SEC24B: variants seen among roughly 807,000 people sequenced by gnomAD.
The protein encoded by SEC24B is protein transport protein Sec24B.
In SEC24B, 45 loss-of-function variants were observed where a neutral mutation model predicts 142.8. The ratio of observed to expected loss-of-function variants is 0.32; its 90% confidence interval spans 0.25 to 0.40. The LOEUF (loss-of-function observed/expected upper bound fraction) is 0.40. Among genes scored for constraint, SEC24B ranks in the 10% least tolerant of loss-of-function variants. The pLI is 1.00. For missense variants in SEC24B, 1,409 were observed against 1,526.8 expected (o/e 0.92, Z 1.29); for synonymous variants, 574 against 568.2 (o/e 1.01, Z -0.15).
intron 2 of SEC24B, among the ~76,000 whole-genome samples, chr4:109,467,064 C>A (rs1233130038): frequency 6.6e-6 from 1 of 151,914 alleles, no homozygotes; most frequent in Non-Finnish European, 1.5e-5. Flanking sequence ...CGGTGGCTCA[C>A]GCCTGTAATC....
chr4:109,527,656 C>A (rs1416704894), intron 18 of SEC24B, among the ~76,000 whole-genome samples: 1 of 151,964 alleles, frequency 6.6e-6, no homozygotes, highest in Non-Finnish European at 1.5e-5. Context: ...CCTGTAATCG[C>A]AGCTTCTCAG....
chr4:109,441,399 C>A (rs1198493557), intron 1 of SEC24B, among the ~76,000 whole-genome samples: 1 of 152,114 alleles, frequency 6.6e-6, no homozygotes, highest in Non-Finnish European at 1.5e-5. Context: ...AGGTATCTGG[C>A]ATGTAGTAGA....
At chr4:109,497,280 T>G (rs957696603) in intron 6 of SEC24B, among the ~76,000 whole-genome samples, 1 of 152,242 alleles carries the variant, frequency 6.6e-6, no homozygotes, top group African/African-American at 2.4e-5. Context: ...CATTTCGTAT[T>G]TTATTTGGGA....
intron 1 of SEC24B, among the ~76,000 whole-genome samples, chr4:109,462,068 C>T (rs1578802754): frequency 6.6e-6 from 1 of 152,224 alleles, no homozygotes; most frequent in African/African-American, 2.4e-5. Flanking sequence ...CCATGGTGCA[C>T]GCCTGTGGTC....
intron 4 of SEC24B, chr4:109,488,837 A>G (rs1216170121): frequency 1.2e-5 from 2 of 165,886 alleles, no homozygotes; most frequent in Non-Finnish European, 2.9e-5. Context: ...TTTGATTTTC[A>G]TTTTCCTAAT....
rs889359674 is a variant in SEC24B at position 109,434,070 on chromosome 4, G to T, written c.133+68G>T. The stretch of plus-strand genomic sequence containing the variant: ...CTGGGCGGCCTGCACGGCCACATCG[G>T]GGCGGGGCGGGCCGGGCCGGGAAGG... On this transcript the variant is annotated intron_variant, in intron 1 of 23. Coordinates refer to ENST00000265175, the MANE Select transcript of SEC24B (RefSeq NM_006323.5). 3.1e-6 allele frequency: 3 copies of T among 980,874 alleles called. No individual in the cohort carries two copies. In the African/African-American group the frequency reaches 5.3e-5, roughly 17 times the overall value. The allele number at this position is 980,874 out of a possible 1,614,324, so 60.8% of individuals were successfully genotyped here.
rs562318146 is a variant in SEC24B, at chr4:109,472,337, C to T, written c.878-667C>T. 5.0e-4 allele frequency among the ~76,000 whole-genome samples: 76 copies of T among 152,224 alleles called. No individual in the cohort carries two copies. The South Asian group carries it at 0.014, about 28-fold the overall frequency. Reference sequence around the variant, plus strand: ...AATAACTTACCCAGTATTTCTCAACCGGGAACGATTTTGCCTTCTAGGAGA... The same window carrying T: ...AATAACTTACCCAGTATTTCTCAACTGGGAACGATTTTGCCTTCTAGGAGA... On this transcript the variant is annotated intron_variant, in intron 2 of 23. Transcript: ENST00000265175.
At chr4:109,482,053 C>A (rs1314326374) in intron 4 of SEC24B, among the ~76,000 whole-genome samples, 1 of 152,158 alleles carries the variant, frequency 6.6e-6, no homozygotes, top group Non-Finnish European at 1.5e-5. Context: ...GCATTTTCTC[C>A]CATGTCACAT....
At chr4:109,528,811 A>G (rs541786557) in intron 18 of SEC24B, among the ~76,000 whole-genome samples, 1 of 152,342 alleles carries the variant, frequency 6.6e-6, no homozygotes, top group African/African-American at 2.4e-5. Flanking sequence ...TATTAATACT[A>G]ATTTGGGAAA....
intron 1 of SEC24B, among the ~76,000 whole-genome samples, chr4:109,454,463 C>G (rs774857432): frequency 4.6e-5 from 7 of 151,730 alleles, no homozygotes; most frequent in Admixed American, 6.6e-5. Context: ...CACTTGAACC[C>G]TCAGGTGGAG....
At chr4:109,522,056 T>C (rs1197148536) in intron 14 of SEC24B, among the ~76,000 whole-genome samples, 1 of 142,976 alleles carries the variant, frequency 7.0e-6, no homozygotes, top group Non-Finnish European at 1.5e-5. Context: ...GTTTTGTTTT[T>C]GTTTTTTTTT....
intron 14 of SEC24B, 35 bp downstream of exon 14, chr4:109,521,661 T>C: frequency 7.1e-7 from 1 of 1,407,480 alleles, no homozygotes; most frequent in Non-Finnish European, 9.9e-7. Flanking sequence ...ATATTCAAGA[T>C]TGTGTAATTA....
chr4:109,460,353 G>A (rs1731127145), intron 1 of SEC24B, among the ~76,000 whole-genome samples: 1 of 152,098 alleles, frequency 6.6e-6, no homozygotes. Context: ...TTGTGTCAGT[G>A]GAGCTAAAAC....
At chr4:109,438,171 C>T (rs1728590155) in intron 1 of SEC24B, among the ~76,000 whole-genome samples, 1 of 152,126 alleles carries the variant, frequency 6.6e-6, no homozygotes. Flanking sequence ...TTTTTTCTGT[C>T]TCTTGTTCAC....
chr4:109,513,651 T>C, intron 9 of SEC24B, 96 bp from the exon 10 acceptor site: 1 of 720,404 alleles, frequency 1.4e-6, no homozygotes, highest in East Asian at 2.6e-5. Flanking sequence ...CTAAACCTCG[T>C]GTAAATATTG....
chr4:109,437,254 G>C (rs1234237801), intron 1 of SEC24B, among the ~76,000 whole-genome samples: 1 of 152,160 alleles, frequency 6.6e-6, no homozygotes, highest in African/African-American at 2.4e-5. Context: ...GGTCTGTGCA[G>C]AATGAGAGTA....
At chr4:109,469,208 G>C (rs963346559) in intron 2 of SEC24B, among the ~76,000 whole-genome samples, 1 of 152,194 alleles carries the variant, frequency 6.6e-6, no homozygotes, top group Non-Finnish European at 1.5e-5. Flanking sequence ...GTGCAGCAGT[G>C]CATTTCGCGT....
rs114350666 is a variant in SEC24B at position 109,468,902 on chromosome 4, A to G, written c.878-4102A>G. The stretch of plus-strand genomic sequence containing the variant: ...CTTACTTTTACAGGATATATGAATA[A>G]AGGAGTATTCTTTTCAGAGGCCATC... On this transcript the variant is annotated intron_variant, in intron 2 of 23. Coordinates refer to ENST00000265175, the MANE Select transcript of SEC24B (RefSeq NM_006323.5). Among the ~76,000 whole-genome samples, 1,151 of 152,314 alleles carry G rather than the reference A, an allele frequency of 7.6e-3. 15 individuals carry two copies. Among genetic ancestry groups the G allele is most frequent in the African/African-American group, 0.025 (1,049 of 41,560 alleles).
chr4:109,444,302 T>C (rs893847374), intron 1 of SEC24B, among the ~76,000 whole-genome samples: 2 of 152,002 alleles, frequency 1.3e-5, no homozygotes, highest in Non-Finnish European at 2.9e-5. Flanking sequence ...AAGTTTAGAC[T>C]TCATTTGGAT....
Sources: gnomAD v4.1 joint callset for allele counts (sites outside exome capture counted in the v4.1 genomes callset) on GRCh38, gnomAD v4.1.1 for gene constraint, MANE v1.5 for transcripts, NCBI Gene and HGNC (gene_info 2026-07-23, HGNC 2026-07-21) for gene names.